MARK3: variants seen among roughly 807,000 people sequenced by gnomAD.
The protein encoded by MARK3 is microtubule affinity regulating kinase 3.
In MARK3, 46 loss-of-function variants were observed where a neutral mutation model predicts 90.1. The ratio of observed to expected loss-of-function variants is 0.51; its 90% CI spans 0.40 to 0.65. The LOEUF (loss-of-function observed/expected upper bound fraction) is 0.65. Among genes scored for constraint, MARK3 ranks in the 30% least tolerant of loss-of-function variants. The pLI, the probability that MARK3 is intolerant of heterozygous loss-of-function variation, is 0.00. For missense variants in MARK3, 818 were observed against 947.2 expected (o/e 0.86, Z 1.79); for synonymous variants, 321 against 332.6 (o/e 0.97, Z 0.38).
chr14:103,460,096 TTTTTTTTTG>T (rs1449228798), intron 6 of MARK3, among the ~76,000 whole-genome samples: 9 of 127,538 alleles, frequency 7.1e-5, no homozygotes, highest in Non-Finnish European at 1.3e-4. Context: ...TTTTTTTTTT[TTTTTTTTTG>T]AGACAAATCT....
At chr14:103,422,921 T>C (rs1201956076) in intron 2 of MARK3, among the ~76,000 whole-genome samples, 3 of 152,158 alleles carry the variant, frequency 2.0e-5, no homozygotes, top group Non-Finnish European at 2.9e-5. Context: ...TATTTGGTGA[T>C]AGGGTCTTTA....
rs376529319 is a variant in MARK3 at position 103,386,072 on chromosome 14, A to C, written c.43A>C (p.Thr15Pro). 6.2e-7 allele frequency: 1 copy of C among 1,614,214 alleles called. No homozygotes were observed. The highest frequency in any genetic ancestry group is 8.5e-7 in the Non-Finnish European group (1 of 1,180,006). ...ATTGCCAACGGTGAATGAACGAGAC[A>C]CTGAAAACGTAAGTAACCTGGGCGT... ...TPLPTVNERD[T>P]ENHTSHGDGR... Residue 15 changes from threonine (T) to proline (P), a missense_variant, in exon 1 of 18, where the codon ACT (threonine) becomes CCT (proline). Transcript: ENST00000429436.
chr14:103,471,081 TTTTTTGTGTTCATGTTAG>T (rs1404504384), intron 12 of MARK3, among the ~76,000 whole-genome samples: 3 of 152,022 alleles, frequency 2.0e-5, no homozygotes, highest in Admixed American at 6.6e-5. Context: ...TAGGTCTGCC[TTTTTTGTGTTCATGTTAG>T]TCACTAACAA....
intron 15 of MARK3, among the ~76,000 whole-genome samples, chr14:103,494,165 C>T (rs1276958681): frequency 1.6e-4 from 24 of 145,630 alleles, no homozygotes; most frequent in African/African-American, 2.8e-4. Context: ...ACCTGGGAGG[C>T]GGAGGTTGCA....
intron 3 of MARK3, among the ~76,000 whole-genome samples, chr14:103,443,469 C>T (rs2092913272): frequency 1.3e-5 from 2 of 152,240 alleles, no homozygotes; most frequent in Middle Eastern, 3.4e-3. Flanking sequence ...AATACTGGTA[C>T]ATTTATCTTT....
intron 3 of MARK3, among the ~76,000 whole-genome samples, chr14:103,443,282 A>G (rs1422562086): frequency 6.6e-6 from 1 of 152,182 alleles, no homozygotes; most frequent in African/African-American, 2.4e-5. Flanking sequence ...GTGAGTACAT[A>G]CTCTGCCTCT....
intron 13 of MARK3, among the ~76,000 whole-genome samples, chr14:103,476,915 T>G (rs1159471795): frequency 6.6e-6 from 1 of 152,202 alleles, no homozygotes; most frequent in South Asian, 2.1e-4. Flanking sequence ...CAGTTAAAAT[T>G]CCGTCTCCAA....
chr14:103,451,547 A>G (rs1000984471), intron 4 of MARK3, among the ~76,000 whole-genome samples: 2 of 152,218 alleles, frequency 1.3e-5, no homozygotes, highest in African/African-American at 2.4e-5. Context: ...AGCAGAGTAG[A>G]ACTGAGCAGT....
chr14:103,404,956 C>A, intron 1 of MARK3, 120 bp from the exon 2 acceptor site: 1 of 661,086 alleles, frequency 1.5e-6, no homozygotes, highest in Non-Finnish European at 2.5e-6. Flanking sequence ...CTTTGAAGTG[C>A]TAGATACTTT....
chr14:103,432,130 A>G (rs957583184), intron 3 of MARK3, among the ~76,000 whole-genome samples: 1 of 152,236 alleles, frequency 6.6e-6, no homozygotes, highest in Non-Finnish European at 1.5e-5. Context: ...CAATTAAAAT[A>G]TTAAACAAGA....
intron 4 of MARK3, among the ~76,000 whole-genome samples, chr14:103,449,595 G>T (rs922853574): frequency 5.9e-5 from 9 of 152,120 alleles, no homozygotes; most frequent in African/African-American, 2.2e-4. Flanking sequence ...TGTTTTCTGT[G>T]TCCTCTGTGT....
chr14:103,486,620 G>A (rs1370678807), intron 14 of MARK3, among the ~76,000 whole-genome samples: 1 of 151,262 alleles, frequency 6.6e-6, no homozygotes, highest in Non-Finnish European at 1.5e-5. Flanking sequence ...AATATTATTC[G>A]AATTTCATAA....
intron 13 of MARK3, among the ~76,000 whole-genome samples, chr14:103,479,171 T>C (rs922402096): frequency 3.3e-5 from 5 of 151,888 alleles, no homozygotes; most frequent in African/African-American, 1.2e-4. Context: ...CAGGCATGCA[T>C]CACCATGCCT....
chr14:103,388,229 C>G (rs549060512), intron 1 of MARK3, among the ~76,000 whole-genome samples: 53 of 152,250 alleles, frequency 3.5e-4, no homozygotes, highest in Non-Finnish European at 6.8e-4. Context: ...CCACGCCCAG[C>G]CATGTAGTGT....
At chr14:103,500,645 T>C (rs1202580475) in intron 17 of MARK3, among the ~76,000 whole-genome samples, 1 of 152,126 alleles carries the variant, frequency 6.6e-6, no homozygotes, top group Non-Finnish European at 1.5e-5. Context: ...TTTTTTTTTT[T>C]CTGAGACACG....
intron 14 of MARK3, chr14:103,489,420 T>TG (rs1293862065): frequency 6.6e-6 from 1 of 152,216 alleles, no homozygotes; most frequent in Non-Finnish European, 1.5e-5. Flanking sequence ...ACCAAAGACT[T>TG]GGTGTTCTGT....
At chr14:103,498,205 C>G (rs1166486413) in intron 15 of MARK3, among the ~76,000 whole-genome samples, 1 of 88,770 alleles carries the variant, frequency 1.1e-5, no homozygotes, top group Non-Finnish European at 2.9e-5. Flanking sequence ...GAGACTCTGT[C>G]TTTAAAAAAA....
chr14:103,436,536 T>C (rs2092721684), intron 3 of MARK3, among the ~76,000 whole-genome samples: 1 of 152,140 alleles, frequency 6.6e-6, no homozygotes, highest in South Asian at 2.1e-4. Context: ...AAATCCAGTG[T>C]CTGCATTCAC....
chr14:103,403,326 TTGTGTGTGTG>T (rs59913493), intron 1 of MARK3, among the ~76,000 whole-genome samples: 3,240 of 138,480 alleles, frequency 0.023, 37 homozygotes, highest in East Asian at 0.038. Flanking sequence ...TAGTGCCTGG[TTGTGTGTGTG>T]TGTGTGTGTG....
Sources: gnomAD v4.1 joint callset for allele counts (sites outside exome capture counted in the v4.1 genomes callset) on GRCh38, gnomAD v4.1.1 for gene constraint, MANE v1.5 for transcripts, NCBI Gene and HGNC (gene_info 2026-07-23, HGNC 2026-07-21) for gene names.